MEFV: variants seen among roughly 807,000 people sequenced by gnomAD.
The protein encoded by MEFV is MEFV innate immunity regulator, pyrin.
Under a neutral mutation model 62.5 loss-of-function variants are expected in MEFV, and 60 were observed. The ratio of observed to expected loss-of-function variants is 0.96; its 90% CI spans 0.78 to 1.19. The LOEUF is 1.19. Ranked by LOEUF, MEFV falls within the 50% of genes most tolerant of loss-of-function variation. MEFV has a pLI of 0.00. For missense variants in MEFV, 1,169 were observed against 1,004.5 expected, an observed-to-expected ratio of 1.16 and a Z score of -2.21; for synonymous variants, 500 against 415.2, an observed-to-expected ratio of 1.20 and a Z score of -2.48.
chr16:3,251,689 T>A (rs745606715), intron 2 of MEFV, among the ~76,000 whole-genome samples: 1 of 152,220 alleles, frequency 6.6e-6, no homozygotes, highest in Non-Finnish European at 1.5e-5. Context: ...CCCATGATGA[T>A]GCATTGCTGT....
In MEFV at chr16:3,252,367, C is replaced by T. The variant is rs184411903; in HGVS notation, c.910+1791G>A. Among the ~76,000 whole-genome samples, 959 of 151,338 alleles carry T rather than the reference C, an allele frequency of 6.3e-3. 10 individuals are homozygous for T. The highest frequency in any genetic ancestry group is 0.021 in the African/African-American group (850 of 41,204). On this transcript the variant is annotated intron_variant, in intron 2 of 9. Transcript: ENST00000219596. ...TGGCTCACTGCAACCTCTGCCTCCT[C>T]GGTTCAAGCAATTCTCCTGCCTCGA...
intron 2 of MEFV, among the ~76,000 whole-genome samples, chr16:3,251,283 T>C (rs1959028675): frequency 6.6e-6 from 1 of 152,108 alleles, no homozygotes; most frequent in Non-Finnish European, 1.5e-5. Context: ...TATTTGACAA[T>C]AATATGACCA....
Position 3,243,573 on chromosome 16 carries a change from G to A in MEFV, c.1914C>T (p.Ser638=). The part of the protein sequence containing the change: ...RLPDGPQRFD[S]CIIVLGSPSF... ...TCGGAGAGCCCAGAACAATGATACA[G>A]CTGTCAAATCTTTGCGGGCCATCAG... Residue 638 remains serine, a synonymous_variant, in exon 10 of 10, where the codon AGC becomes AGT. Coordinates refer to ENST00000219596, the MANE Select transcript of MEFV (RefSeq NM_000243.3). The A allele has an allele frequency of 6.2e-7, 1 of 1,609,148 alleles. No individual in the cohort carries two copies. The highest frequency in any genetic ancestry group is 1.1e-5 in the South Asian group (1 of 90,724).
intron 2 of MEFV, among the ~76,000 whole-genome samples, chr16:3,253,319 C>T (rs1959064910): frequency 6.6e-6 from 1 of 152,068 alleles, no homozygotes; most frequent in Non-Finnish European, 1.5e-5. Context: ...ATGCTGGGGA[C>T]AGCGCCTGCA....
In MEFV at chr16:3,249,590, T is replaced by C; in HGVS notation, c.1101A>G (p.Leu367=). 1 of 1,614,174 alleles carries C rather than the reference T, an allele frequency of 6.2e-7. No individual in the cohort carries two copies. The highest frequency in any genetic ancestry group is 8.5e-7 in the Non-Finnish European group (1 of 1,180,014). Residue 367 remains leucine, a synonymous_variant, in exon 3 of 10, where the codon CTA becomes CTG. Coordinates refer to ENST00000219596, the MANE Select transcript of MEFV (RefSeq NM_000243.3). Reference sequence around the variant, plus strand: ...TACACTGTGGCAGGGGCTGGGGGCTTAGGCTTCCCGGGCTCTTCCTTTCAT... The same window carrying C: ...TACACTGTGGCAGGGGCTGGGGGCTCAGGCTTCCCGGGCTCTTCCTTTCAT... The part of the protein sequence containing the change: ...DSHERKSPGS[L]SPQPLPQCKR...
intron 2 of MEFV, among the ~76,000 whole-genome samples, chr16:3,253,949 C>T (rs1043341570): frequency 6.6e-6 from 1 of 152,128 alleles, no homozygotes; most frequent in Admixed American, 6.5e-5. Flanking sequence ...CCACGCCCTG[C>T]CCAACCTTTG....
chr16:3,255,050 C>T (rs1375833067), intron 1 of MEFV, among the ~76,000 whole-genome samples: 2 of 152,180 alleles, frequency 1.3e-5, no homozygotes, highest in South Asian at 2.1e-4. Context: ...AGCGTGGTGG[C>T]GCATGCCTGT....
chr16:3,254,541 C>T lies in MEFV; in HGVS notation c.527G>A (p.Arg176Gln), dbSNP rs1410743123. ...SEGLDAQGKP[R>Q]TRSPALPGGR... is the part of the protein sequence containing the mutation. Reference sequence around the variant, plus strand: ...GCCCGGCAGGGCCGGGCTCCGGGTCCGAGGCTTGCCCTGCGCGTCCAGGCC... The same window carrying T: ...GCCCGGCAGGGCCGGGCTCCGGGTCTGAGGCTTGCCCTGCGCGTCCAGGCC... Residue 176 changes from arginine (R) to glutamine (Q), a missense_variant, in exon 2 of 10, where the codon CGG becomes CAG. Arg to Gln is a conservative substitution (Grantham distance 43). Coordinates refer to ENST00000219596, the MANE Select transcript of MEFV (RefSeq NM_000243.3). 1 of 1,555,588 alleles carries T rather than the reference C, an allele frequency of 6.4e-7. No homozygotes were observed. Among genetic ancestry groups the T allele is most frequent in the Admixed American group, 1.9e-5 (1 of 52,284 alleles).
chr16:3,246,594 C>G (rs1257813068), intron 5 of MEFV, 47 bp from the exon 6 acceptor site: 2 of 1,611,656 alleles, frequency 1.2e-6, no homozygotes, highest in Non-Finnish European at 1.7e-6. Flanking sequence ...CTCCTAGTGG[C>G]TGGGCTGACT....
chr16:3,246,642 C>A (rs1958947762), intron 5 of MEFV, 95 bp from the exon 6 acceptor site: 3 of 1,357,960 alleles, frequency 2.2e-6, no homozygotes, highest in East Asian at 4.7e-5. Flanking sequence ...CTTTTAGCTC[C>A]CCGCTGCACT....
rs746798332 is a variant in MEFV, at chr16:3,246,509, C to T, written c.1610+16G>A. 1.3e-5 allele frequency: 21 copies of T among 1,614,114 alleles called. No individual in the cohort carries two copies. The South Asian group carries it at 2.3e-4, about 18-fold the overall frequency. On this transcript the variant is annotated intron_variant, in intron 6 of 9. Transcript: ENST00000219596. The stretch of plus-strand genomic sequence containing the variant: ...CTGCAAGACACCCCAGGGTACACCA[C>T]AGGACCTCGCTGTACCTGTGCAAGA...
intron 3 of MEFV, 142 bp downstream of exon 3, chr16:3,249,289 T>C: frequency 1.3e-6 from 1 of 786,494 alleles, no homozygotes; most frequent in Admixed American, 2.2e-5. Flanking sequence ...TTTGCTGGAC[T>C]GGTTTATATT....
At position 3,254,315 on chromosome 16, in the gene MEFV, C is replaced by G. The variant is rs545985591; in HGVS notation, c.753G>C (p.Glu251Asp). ...GAATTTCTGGATTTGCGGGCGCCTT[C>G]TCCCCTGTAGAAATGGTGACCTCAA... ...RSLEVTISTG[E>D]KAPANPEILL... is the part of the protein sequence containing the mutation. Residue 251 changes from glutamate to aspartate, a missense_variant, in exon 2 of 10, where the codon GAG becomes GAC. Coordinates refer to ENST00000219596, the MANE Select transcript of MEFV (RefSeq NM_000243.3). The G allele has an allele frequency of 1.9e-6, 3 of 1,614,252 alleles. No homozygotes were observed. The highest frequency in any genetic ancestry group is 2.5e-6 in the Non-Finnish European group (3 of 1,180,046).
intron 4 of MEFV, 64 bp from the exon 5 acceptor site, chr16:3,247,310 A>C: frequency 6.7e-7 from 1 of 1,486,928 alleles, no homozygotes; most frequent in Non-Finnish European, 9.3e-7. Flanking sequence ...ATGTCCAGGA[A>C]CCCCCAGAAG....
At chr16:3,244,660 T>A (rs932058022) in intron 6 of MEFV, 72 bp from the exon 7 acceptor site, 7 of 1,125,488 alleles carry the variant, frequency 6.2e-6, no homozygotes, top group Non-Finnish European at 9.4e-6. Flanking sequence ...GAGCTGGAAA[T>A]GAACTACATT....
chr16:3,249,461 G>A lies in MEFV; in HGVS notation c.1230C>T (p.Arg410=), dbSNP rs529228407. The change falls in exon 3 of 10, where the codon CGC becomes CGT. Residue 410 remains arginine (R), a synonymous_variant. Transcript: ENST00000219596. ...LSQEHQGHRV[R]PIEEVALEHK... ...GTTCCAGGGCGACCTCCTCAATGGG[G>A]CGCACCCGGTGGCCTTGGTGCTCCT... 6 of 1,613,948 alleles carry A rather than the reference G, an allele frequency of 3.7e-6. No individual in the cohort carries two copies. The African/African-American group carries it at 8.0e-5, about 22-fold the overall frequency.
Position 3,249,423 on chromosome 16 carries a change from G to A in MEFV, c.1260+8C>T, listed in dbSNP as rs767471037. 2 of 1,611,292 alleles carry A rather than the reference G, an allele frequency of 1.2e-6. No homozygotes were observed. The highest frequency in any genetic ancestry group is 1.1e-5 in the South Asian group (1 of 91,032). On this transcript the variant is annotated splice_region_variant and intron_variant, in intron 3 of 9. Transcript: ENST00000219596. ...GCAGAGAAGAGCCCACAGGCAGGGAGTGCCTACCTTGTGTTCCAGGGCGAC... is the reference window on the plus strand; with the variant it reads ...GCAGAGAAGAGCCCACAGGCAGGGAATGCCTACCTTGTGTTCCAGGGCGAC...
At chr16:3,246,422 C>T (rs762081082) in intron 6 of MEFV, 103 bp downstream of exon 6, 16 of 1,358,218 alleles carry the variant, frequency 1.2e-5, no homozygotes, top group Non-Finnish European at 1.7e-5. Context: ...GAATCACAGA[C>T]CCCGGGGTTG....
At position 3,249,462 on chromosome 16, in the gene MEFV, C is replaced by T. The variant is rs1399033974; in HGVS notation, c.1229G>A (p.Arg410His). 2.0e-5 allele frequency: 33 copies of T among 1,613,884 alleles called. 1 individual carries two copies. The East Asian group carries it at 6.2e-4, about 31-fold the overall frequency. ...TTCCAGGGCGACCTCCTCAATGGGG[C>T]GCACCCGGTGGCCTTGGTGCTCCTG... ...LSQEHQGHRV[R>H]PIEEVALEHK... Residue 410 changes from arginine (R) to histidine (H), a missense_variant, in exon 3 of 10, where the codon CGC becomes CAC. Coordinates refer to ENST00000219596, the MANE Select transcript of MEFV (RefSeq NM_000243.3).
Sources: allele counts gnomAD v4.1 joint callset (sites outside exome capture counted in the v4.1 genomes callset), GRCh38; gene constraint gnomAD v4.1.1; transcripts MANE v1.5; gene names NCBI Gene and HGNC (gene_info 2026-07-23, HGNC 2026-07-21).